The following RAB10 variants were observed in gnomAD, a reference collection of about 807,000 sequenced individuals.
RAB10 encodes the protein RAB10, member RAS oncogene family.
In RAB10, 5 loss-of-function variants were observed where a neutral mutation model predicts 25.7. The observed-to-expected ratio is 0.19, with a 90% CI of 0.10 to 0.41. The LOEUF is 0.41. RAB10 is among the 10% of genes least tolerant of loss of function. The pLI is 1.00. For synonymous variants in RAB10, 89 were observed against 86.4 expected (o/e 1.03, Z -0.16); for missense variants, 103 against 245.8 (o/e 0.42, Z 3.89).
At chr2:26,099,148 C>T (rs896363698) in intron 2 of RAB10, among the ~76,000 whole-genome samples, 1 of 152,004 alleles carries the variant, frequency 6.6e-6, no homozygotes, top group African/African-American at 2.4e-5. Flanking sequence ...GAAGTACAAA[C>T]CTTTGAATTT....
upstream of RAB10, among the ~76,000 whole-genome samples, chr2:26,033,310 C>G (rs1387568630): frequency 6.6e-6 from 1 of 152,162 alleles, no homozygotes; most frequent in Non-Finnish European, 1.5e-5. Context: ...AGGCCTGAAG[C>G]AGGTTCTCTG....
intron 1 of RAB10, among the ~76,000 whole-genome samples, chr2:26,068,593 A>G (rs2149269573): frequency 1.3e-5 from 2 of 152,246 alleles, no homozygotes; most frequent in South Asian, 4.1e-4. Flanking sequence ...TACATCAGAC[A>G]ATCCTGAGCC....
chr2:26,131,464 T>C (rs1013536838), intron 5 of RAB10, among the ~76,000 whole-genome samples: 17 of 152,222 alleles, frequency 1.1e-4, no homozygotes, highest in African/African-American at 3.6e-4. Context: ...GGTGAAGTTG[T>C]GAGTTAAAAC....
At chr2:26,132,990 C>T (rs1308700640) in intron 5 of RAB10, among the ~76,000 whole-genome samples, 1 of 151,952 alleles carries the variant, frequency 6.6e-6, no homozygotes, top group African/African-American at 2.4e-5. Context: ...GGAGCAAAGT[C>T]ACTTGTACTG....
chr2:26,085,217 A>T (rs7573118), intron 1 of RAB10, among the ~76,000 whole-genome samples: 1 of 152,028 alleles, frequency 6.6e-6, no homozygotes, highest in Non-Finnish European at 1.5e-5. Flanking sequence ...GGCCGGGGGC[A>T]GTGACTCACG....
At chr2:26,100,805 T>C (rs973766624) in intron 2 of RAB10, among the ~76,000 whole-genome samples, 1 of 152,168 alleles carries the variant, frequency 6.6e-6, no homozygotes, top group African/African-American at 2.4e-5. Context: ...ATACCCAAAA[T>C]ACCATGAACT....
chr2:26,036,785 G>T (rs1439624790), intron 1 of RAB10, among the ~76,000 whole-genome samples: 1 of 151,932 alleles, frequency 6.6e-6, no homozygotes, highest in Non-Finnish European at 1.5e-5. Context: ...TAATTCATGT[G>T]GTCAACTTTA....
chr2:26,091,787 G>A (rs186864137), intron 1 of RAB10, among the ~76,000 whole-genome samples: 1 of 152,230 alleles, frequency 6.6e-6, no homozygotes, highest in East Asian at 1.9e-4. Flanking sequence ...GGAGAAACCA[G>A]CAATGAAGAT....
At chr2:26,123,444 G>A (rs1288885112) in intron 3 of RAB10, among the ~76,000 whole-genome samples, 1 of 152,182 alleles carries the variant, frequency 6.6e-6, no homozygotes, top group Non-Finnish European at 1.5e-5. Flanking sequence ...AAAAAGCCAT[G>A]AAAGCCATCA....
chr2:26,086,020 G>C (rs560191061), intron 1 of RAB10, among the ~76,000 whole-genome samples: 96 of 140,204 alleles, frequency 6.8e-4, no homozygotes, highest in Non-Finnish European at 1.1e-3. Context: ...AAAAAAAAGG[G>C]GGGGGGCAAA....
At chr2:26,046,918 T>G (rs1023500283) in intron 1 of RAB10, among the ~76,000 whole-genome samples, 13 of 152,214 alleles carry the variant, frequency 8.5e-5, no homozygotes, top group African/African-American at 2.9e-4. Flanking sequence ...TTTATTAAGA[T>G]AATTGTAATT....
intron 1 of RAB10, among the ~76,000 whole-genome samples, chr2:26,065,369 T>C (rs1177481129): frequency 1.3e-5 from 2 of 152,194 alleles, no homozygotes; most frequent in Non-Finnish European, 2.9e-5. Context: ...ATATAATTTT[T>C]TACAGCCCTC....
intron 3 of RAB10, among the ~76,000 whole-genome samples, chr2:26,121,239 C>T (rs929415308): frequency 5.3e-5 from 8 of 152,156 alleles, no homozygotes; most frequent in Non-Finnish European, 1.0e-4. Flanking sequence ...GCTTGTGATT[C>T]TACTAAGGGT....
chr2:26,039,886 C>G (rs1006795571), intron 1 of RAB10, among the ~76,000 whole-genome samples: 35 of 151,948 alleles, frequency 2.3e-4, no homozygotes, highest in Admixed American at 2.0e-3. Flanking sequence ...ATTTCACATT[C>G]TTTTTCTCTG....
In RAB10 at chr2:26,117,635, AC is replaced by A. The variant is rs1165879790; in HGVS notation, c.327+7730del. Among the ~76,000 whole-genome samples, 31 of 145,326 alleles carry A rather than the reference AC, an allele frequency of 2.1e-4. 3 individuals are homozygous for A. Among genetic ancestry groups the A allele is most frequent in the African/African-American group, 6.5e-4 (26 of 39,716 alleles). On this transcript the variant is annotated intron_variant, in intron 3 of 5. Coordinates refer to ENST00000264710, the MANE Select transcript of RAB10 (RefSeq NM_016131.5). ...ACTCCGTCTCAAAAAAAAAAAAAAA[AC>A]AAAAAAAACAAAAGAGTTAGGAAGT...
At chr2:26,047,403 TTTTGTTTG>T (rs143254612) in intron 1 of RAB10, among the ~76,000 whole-genome samples, 4,917 of 146,714 alleles carry the variant, frequency 0.034, 281 homozygotes, top group African/African-American at 0.11. Context: ...GTATCATTTG[TTTTGTTTG>T]TTTGTTTGTT....
intron 1 of RAB10, among the ~76,000 whole-genome samples, chr2:26,072,620 C>T (rs1021880066): frequency 6.6e-6 from 1 of 152,014 alleles, no homozygotes; most frequent in Non-Finnish European, 1.5e-5. Context: ...TGAATAGGTT[C>T]TTAAAATACT....
At chr2:26,078,099 A>G (rs775754146) in intron 1 of RAB10, among the ~76,000 whole-genome samples, 12 of 152,256 alleles carry the variant, frequency 7.9e-5, no homozygotes, top group Non-Finnish European at 1.5e-4. Flanking sequence ...AGCATCAAAA[A>G]GAATACCTAG....
rs1478462053 is a variant in RAB10 at position 26,098,736 on chromosome 2, ATTTAC to A, written c.188+19_188+23del. 1 of 1,558,454 alleles carries A rather than the reference ATTTAC, an allele frequency of 6.4e-7. No individual in the cohort carries two copies. Among genetic ancestry groups the A allele is most frequent in the African/African-American group, 1.4e-5 (1 of 73,506 alleles). On this transcript the variant is annotated intron_variant, in intron 2 of 5. Transcript: ENST00000264710. ...GCTACAGATATGGTAAGTGATGCTA[ATTTAC>A]TTTATGTAGCAGAATGTCAGGTTCC...
Sources: gnomAD v4.1 joint callset for allele counts (sites outside exome capture counted in the v4.1 genomes callset) on GRCh38, gnomAD v4.1.1 for gene constraint, MANE v1.5 for transcripts, NCBI Gene and HGNC (gene_info 2026-07-23, HGNC 2026-07-21) for gene names.